ANO1: variants seen among roughly 807,000 people sequenced by gnomAD.
ANO1 encodes anoctamin 1.
Under a neutral mutation model 124.0 loss-of-function variants are expected in ANO1, and 59 were observed. The observed-to-expected ratio is 0.48, with a 90% CI of 0.39 to 0.59. The LOEUF is 0.59. Among genes scored for constraint, ANO1 ranks in the 20% least tolerant of loss-of-function variants. ANO1 has a pLI of 0.00. For synonymous variants in ANO1, 529 were observed against 532.0 expected, an observed-to-expected ratio of 0.99 and a Z score of 0.08; for missense variants, 1,059 against 1,328.0, an observed-to-expected ratio of 0.80 and a Z score of 3.15.
Position 70,165,456 on chromosome 11 carries a change from C to T in ANO1, c.1951-14C>T. ...TGTCCCTGTAGCGTGGCTGATGCTGCTCTCTGTCCACAGTGTGCGCCAGGG... is the reference window on the plus strand; with the variant it reads ...TGTCCCTGTAGCGTGGCTGATGCTGTTCTCTGTCCACAGTGTGCGCCAGGG... On this transcript the variant is annotated splice_polypyrimidine_tract_variant and intron_variant, in intron 19 of 25. Coordinates refer to ENST00000355303, the MANE Select transcript of ANO1 (RefSeq NM_018043.7). 6.3e-7 allele frequency: 1 copy of T among 1,599,626 alleles called. No homozygotes were observed. The highest frequency in any genetic ancestry group is 8.5e-7 in the Non-Finnish European group (1 of 1,172,764).
chr11:69,995,985 C>A (rs1554998312), intron 1 of ANO1, among the ~76,000 whole-genome samples: 1 of 152,186 alleles, frequency 6.6e-6, no homozygotes, highest in African/African-American at 2.4e-5. Context: ...GTGACATGTG[C>A]TTGTAATCCC....
chr11:70,149,292 C>G (rs916011787), intron 11 of ANO1, among the ~76,000 whole-genome samples: 1 of 152,194 alleles, frequency 6.6e-6, no homozygotes, highest in African/African-American at 2.4e-5. Context: ...GAGGGCTGAA[C>G]ACGTGAATTC....
chr11:70,052,180 C>G (rs1338282427), intron 1 of ANO1, among the ~76,000 whole-genome samples: 3 of 152,218 alleles, frequency 2.0e-5, no homozygotes, highest in African/African-American at 7.2e-5. Context: ...ATTGAAAACA[C>G]AGTCCTTTCC....
intron 12 of ANO1, among the ~76,000 whole-genome samples, chr11:70,150,625 C>A (rs937700448): frequency 2.0e-5 from 3 of 152,204 alleles, no homozygotes; most frequent in Non-Finnish European, 4.4e-5. Flanking sequence ...GCCTTGACCT[C>A]CCGGGCTCAA....
At chr11:70,000,623 A>G (rs903386703) in intron 1 of ANO1, among the ~76,000 whole-genome samples, 5 of 150,752 alleles carry the variant, frequency 3.3e-5, no homozygotes, top group Admixed American at 6.6e-5. Context: ...TTGAACAAAC[A>G]CATAGTCTGT....
chr11:70,047,879 C>T (rs910769429), intron 1 of ANO1, among the ~76,000 whole-genome samples: 10 of 152,194 alleles, frequency 6.6e-5, no homozygotes, highest in Non-Finnish European at 1.2e-4. Context: ...ACTGCAGTTA[C>T]AGGCAGTTTC....
At chr11:70,030,067 C>A (rs1159188974) in intron 1 of ANO1, among the ~76,000 whole-genome samples, 1 of 152,208 alleles carries the variant, frequency 6.6e-6, no homozygotes, top group Non-Finnish European at 1.5e-5. Flanking sequence ...GGGAGGGTAC[C>A]TTTGCTCAGG....
chr11:70,068,328 G>A (rs185553402), intron 1 of ANO1, among the ~76,000 whole-genome samples: 5 of 152,306 alleles, frequency 3.3e-5, no homozygotes, highest in Middle Eastern at 3.4e-3. Context: ...TCCACTAGGC[G>A]GGTGCTAGAA....
rs1555001253 is a variant in ANO1 at position 70,012,379 on chromosome 11, TATCCATCCTTTCCTTCATCCATTCA to T, written c.58+26214_58+26238del. 3.4e-5 allele frequency among the ~76,000 whole-genome samples: 5 copies of T among 148,102 alleles called. No homozygotes were observed. The East Asian group carries it at 1.1e-3, about 33-fold the overall frequency. On this transcript the variant is annotated intron_variant, in intron 1 of 27. Transcript: ENST00000531349. ...CCATCCATCCATCCATTATTCCATCTATCCATCCTTTCCTTCATCCATTCATCCATCCATCCACCCATTACTCCAT... is the reference window on the plus strand; with the variant it reads ...CCATCCATCCATCCATTATTCCATCTTCCATCCATCCACCCATTACTCCAT...
At chr11:70,090,434 C>T (rs143253805) in intron 2 of ANO1, among the ~76,000 whole-genome samples, 1 of 152,354 alleles carries the variant, frequency 6.6e-6, no homozygotes, top group East Asian at 1.9e-4. Context: ...AGACCCTCCA[C>T]TTATCCTGAT....
intron 22 of ANO1, among the ~76,000 whole-genome samples, chr11:70,174,625 G>T (rs1210700850): frequency 6.6e-6 from 1 of 152,078 alleles, no homozygotes; most frequent in Non-Finnish European, 1.5e-5. Context: ...AGGGAACCCC[G>T]GGAGGAAGCC....
the ANO1 span, among the ~76,000 whole-genome samples, chr11:69,977,408 G>A: frequency 4.6e-5 from 7 of 152,236 alleles, no homozygotes; most frequent in African/African-American, 1.4e-4. Flanking sequence ...TGCTTGCAGC[G>A]AGGGCCTGAG....
chr11:70,015,359 T>TCCC (rs1856685515), intron 1 of ANO1: 1 of 152,074 alleles, frequency 6.6e-6, no homozygotes, highest in Non-Finnish European at 1.5e-5. Context: ...TTTTAAACAA[T>TCCC]CCAGGTGCTC....
chr11:70,105,908 A>G (rs1300786989), intron 5 of ANO1, 120 bp downstream of exon 5: 6 of 1,072,540 alleles, frequency 5.6e-6, no homozygotes, highest in Non-Finnish European at 8.3e-6. Flanking sequence ...TCTGTGACAG[A>G]AATAATTAGA....
At position 70,103,110 on chromosome 11, in the gene ANO1, G is replaced by T; in HGVS notation, c.486G>T (p.Trp162Cys). The T allele has an allele frequency of 6.2e-7, 1 of 1,613,044 alleles. No homozygotes were observed. Among genetic ancestry groups the T allele is most frequent in the Non-Finnish European group, 8.5e-7 (1 of 1,179,580 alleles). Residue 162 changes from tryptophan to cysteine, a missense_variant, in exon 3 of 26, where the codon TGG becomes TGT. Trp to Cys is a radical substitution (Grantham distance 215). Transcript: ENST00000355303. ...GGTTTGTGAAAATCCATGCCCCCTGGAACGTGCTGTGCAGAGAGGCCGAGT... is the reference window on the plus strand; with the variant it reads ...GGTTTGTGAAAATCCATGCCCCCTGTAACGTGCTGTGCAGAGAGGCCGAGT... ...GVGFVKIHAPWNVLCREAEFL... is the reference protein window; with the variant it reads ...GVGFVKIHAPCNVLCREAEFL...
chr11:70,107,855 C>T (rs917968938), intron 5 of ANO1, among the ~76,000 whole-genome samples: 4 of 152,186 alleles, frequency 2.6e-5, no homozygotes, highest in Admixed American at 1.3e-4. Flanking sequence ...CGATGATGGC[C>T]GCCTCCTGCC....
chr11:70,080,682 G>C (rs997936686), intron 1 of ANO1, among the ~76,000 whole-genome samples: 1 of 152,242 alleles, frequency 6.6e-6, no homozygotes, highest in Non-Finnish European at 1.5e-5. Context: ...AGTCTGCAAA[G>C]AGGCAGCTGG....
intron 2 of ANO1, among the ~76,000 whole-genome samples, chr11:70,098,937 T>G (rs1307052376): frequency 6.6e-6 from 1 of 152,128 alleles, no homozygotes; most frequent in Non-Finnish European, 1.5e-5. Flanking sequence ...AAGGTCAGAG[T>G]TCTTCTGGGC....
chr11:70,125,831 G>C (rs761203812), intron 9 of ANO1, among the ~76,000 whole-genome samples: 1 of 140,346 alleles, frequency 7.1e-6, no homozygotes, highest in Non-Finnish European at 1.5e-5. Context: ...GCAACAGAGC[G>C]AGACTCCATC....
Sources: allele counts gnomAD v4.1 joint callset (sites outside exome capture counted in the v4.1 genomes callset), GRCh38; gene constraint gnomAD v4.1.1; transcripts MANE v1.5; gene names NCBI Gene and HGNC (gene_info 2026-07-23, HGNC 2026-07-21).